MAGI2: variants seen among roughly 807,000 people sequenced by gnomAD.
MAGI2 encodes the protein membrane-associated guanylate kinase, WW and PDZ domain-containing protein 2.
A neutral mutation model predicts 133.3 loss-of-function variants in MAGI2; 35 were observed. That is an observed-to-expected ratio of 0.26 (90% confidence interval 0.20 to 0.35). MAGI2 has a LOEUF of 0.35. Among genes scored for constraint, MAGI2 ranks in the 10% least tolerant of loss-of-function variants. MAGI2 has a pLI of 1.00. For synonymous variants in MAGI2, 729 were observed against 710.6 expected (o/e 1.03, Z -0.41); for missense variants, 1,636 against 1,863.4 (o/e 0.88, Z 2.25).
chr7:78,476,689 C>T (rs950337587), intron 6 of MAGI2, among the ~76,000 whole-genome samples: 1 of 151,932 alleles, frequency 6.6e-6, no homozygotes, highest in Non-Finnish European at 1.5e-5. Flanking sequence ...GGAGTTCCCA[C>T]AAAGAGCACA....
chr7:78,891,443 C>G (rs1281923126), intron 2 of MAGI2, among the ~76,000 whole-genome samples: 2 of 152,142 alleles, frequency 1.3e-5, no homozygotes, highest in Non-Finnish European at 2.9e-5. Context: ...AATTTTAGAC[C>G]AATATCCCTG....
At chr7:78,327,731 C>G (rs1240110791) in intron 9 of MAGI2, among the ~76,000 whole-genome samples, 1 of 152,152 alleles carries the variant, frequency 6.6e-6, no homozygotes, top group African/African-American at 2.4e-5. Context: ...GTGGATGCAT[C>G]TATCTTGAAT....
At chr7:79,047,458 T>C (rs1027142427) in intron 1 of MAGI2, among the ~76,000 whole-genome samples, 35 of 152,108 alleles carry the variant, frequency 2.3e-4, no homozygotes, top group African/African-American at 7.0e-4. Context: ...GACCTACTAT[T>C]ATGGAAATAT....
intron 1 of MAGI2, among the ~76,000 whole-genome samples, chr7:79,431,726 C>T (rs1156382815): frequency 2.0e-5 from 3 of 152,256 alleles, no homozygotes; most frequent in Middle Eastern, 6.8e-3. Flanking sequence ...GCTTTGAAAA[C>T]GGAAACTGAA....
At position 78,151,619 on chromosome 7, in the gene MAGI2, C is replaced by T. The variant is rs527525407; in HGVS notation, c.2845+8406G>A. On this transcript the variant is annotated intron_variant, in intron 16 of 21. Transcript: ENST00000354212. ...CTCATCTGAGTCTTCATTCACCAGG[C>T]CCCAGGCTGACTGCTGAATCATTTA... Among the ~76,000 whole-genome samples the T allele has an allele frequency of 2.6e-5, 4 of 152,296 alleles. No homozygotes were observed. The South Asian group carries it at 8.3e-4, about 32-fold the overall frequency.
intron 6 of MAGI2, among the ~76,000 whole-genome samples, chr7:78,400,695 C>T (rs993168054): frequency 2.6e-5 from 4 of 152,204 alleles, no homozygotes; most frequent in East Asian, 1.9e-4. Flanking sequence ...TAATGACATC[C>T]GGGTCCATCA....
At chr7:78,494,896 G>GC (rs1201395765) in intron 5 of MAGI2, among the ~76,000 whole-genome samples, 3 of 152,024 alleles carry the variant, frequency 2.0e-5, no homozygotes, top group Middle Eastern at 3.4e-3. Context: ...CAGCCTCCCC[G>GC]CCCCCGGGAA....
chr7:78,915,622 A>G (rs974884070), intron 2 of MAGI2, among the ~76,000 whole-genome samples: 7 of 151,990 alleles, frequency 4.6e-5, no homozygotes, highest in Admixed American at 1.3e-4. Flanking sequence ...TTTACTCTCT[A>G]AAGTATCATA....
At chr7:78,207,632 G>A (rs149839703) in intron 10 of MAGI2, among the ~76,000 whole-genome samples, 20 of 152,178 alleles carry the variant, frequency 1.3e-4, no homozygotes, top group African/African-American at 4.1e-4. Flanking sequence ...CATTAAATGG[G>A]TTAAGCCCTG....
At chr7:78,490,593 T>C (rs562667796) in intron 5 of MAGI2, among the ~76,000 whole-genome samples, 2 of 152,234 alleles carry the variant, frequency 1.3e-5, no homozygotes, top group Non-Finnish European at 2.9e-5. Context: ...TAACCTGCAT[T>C]AGAATTACCT....
At chr7:78,592,860 G>T (rs1246537267) in intron 3 of MAGI2, among the ~76,000 whole-genome samples, 2 of 122,386 alleles carry the variant, frequency 1.6e-5, no homozygotes, top group African/African-American at 6.9e-5. Flanking sequence ...TTTGAGACAG[G>T]GTCTCGCTCT....
intron 20 of MAGI2, among the ~76,000 whole-genome samples, chr7:78,090,010 A>T (rs1356729357): frequency 6.6e-6 from 1 of 151,952 alleles, no homozygotes; most frequent in Non-Finnish European, 1.5e-5. Context: ...GCCCACTTGT[A>T]CTTCCTCCAC....
intron 21 of MAGI2, among the ~76,000 whole-genome samples, chr7:78,034,624 T>C (rs906196799): frequency 6.7e-6 from 1 of 149,218 alleles, no homozygotes; most frequent in African/African-American, 2.5e-5. Flanking sequence ...GCCTCCCGGG[T>C]TCAAGCAGTT....
At chr7:79,094,609 G>A (rs576350103) in intron 1 of MAGI2, among the ~76,000 whole-genome samples, 6 of 152,278 alleles carry the variant, frequency 3.9e-5, no homozygotes, top group African/African-American at 1.4e-4. Flanking sequence ...CTTATGAGAT[G>A]TATTTCTTAA....
chr7:78,065,978 G>C (rs1022248449), intron 21 of MAGI2, among the ~76,000 whole-genome samples: 1 of 152,170 alleles, frequency 6.6e-6, no homozygotes, highest in Non-Finnish European at 1.5e-5. Flanking sequence ...GTAAATTCTT[G>C]TAGGCTTTTC....
At chr7:78,891,564 C>A (rs192742518) in intron 2 of MAGI2, among the ~76,000 whole-genome samples, 1 of 152,340 alleles carries the variant, frequency 6.6e-6, no homozygotes, top group East Asian at 1.9e-4. Flanking sequence ...GGATGCAAGA[C>A]TGGTTCAACA....
chr7:78,408,270 T>C (rs1797568661), intron 6 of MAGI2, among the ~76,000 whole-genome samples: 2 of 152,074 alleles, frequency 1.3e-5, no homozygotes, highest in South Asian at 2.1e-4. Flanking sequence ...CATATGCATA[T>C]ACTTCTCATT....
chr7:78,264,361 G>A (rs1352370519), intron 9 of MAGI2, among the ~76,000 whole-genome samples: 2 of 152,152 alleles, frequency 1.3e-5, no homozygotes, highest in Non-Finnish European at 2.9e-5. Flanking sequence ...TGTATTTTGA[G>A]TTGAGGACTC....
intron 2 of MAGI2, among the ~76,000 whole-genome samples, chr7:78,735,630 G>A (rs1290144716): frequency 6.6e-6 from 1 of 152,104 alleles, no homozygotes; most frequent in Non-Finnish European, 1.5e-5. Flanking sequence ...AAAACATATT[G>A]TCACTGATGA....
Sources: gnomAD v4.1 joint callset for allele counts (sites outside exome capture counted in the v4.1 genomes callset) on GRCh38, gnomAD v4.1.1 for gene constraint, MANE v1.5 for transcripts, NCBI Gene and HGNC (gene_info 2026-07-23, HGNC 2026-07-21) for gene names.